IGDCC3: variants seen among roughly 807,000 people sequenced by gnomAD.
IGDCC3 encodes the protein immunoglobulin superfamily DCC subclass member 3, also known as putative neuronal cell adhesion molecule.
In IGDCC3, 47 loss-of-function variants were observed where a neutral mutation model predicts 72.0. The ratio of observed to expected loss-of-function variants is 0.65; its 90% confidence interval spans 0.52 to 0.83. The LOEUF (loss-of-function observed/expected upper bound fraction) is 0.83. Among genes scored for constraint, IGDCC3 ranks in the 40% least tolerant of loss-of-function variants. The pLI is 0.00. For missense variants in IGDCC3, 1,038 were observed against 1,091.3 expected (o/e 0.95, Z 0.69); for synonymous variants, 477 against 472.8 (o/e 1.01, Z -0.11).
chr15:65,377,909 G>T lies in IGDCC3; in HGVS notation c.-121C>A. 1 of 933,678 alleles carries T rather than the reference G, an allele frequency of 1.1e-6. No homozygotes were observed. Among genetic ancestry groups the T allele is most frequent in the Non-Finnish European group, 1.3e-6 (1 of 775,968 alleles). The allele number at this position is 933,678 out of a possible 1,614,324, so 57.8% of individuals were successfully genotyped here. A position where few individuals can be genotyped will look rare whatever the true frequency, so the allele number is the denominator to read the frequency against. ...GCTCCGGCCGGGGCCGAGCCCAGGCGGTGGGGGACTGGGGCCGCATGCCTG... is the reference window on the plus strand; with the variant it reads ...GCTCCGGCCGGGGCCGAGCCCAGGCTGTGGGGGACTGGGGCCGCATGCCTG... On this transcript the variant is annotated 5_prime_UTR_variant, in exon 1 of 14. Coordinates refer to ENST00000327987, the MANE Select transcript of IGDCC3 (RefSeq NM_004884.4). The surrounding 1 kb of genome is among the most constrained non-coding windows in gnomAD (Gnocchi z 4.9).
At chr15:65,364,229 G>A (rs1055053610) in intron 2 of IGDCC3, among the ~76,000 whole-genome samples, 4 of 152,168 alleles carry the variant, frequency 2.6e-5, no homozygotes, top group African/African-American at 9.7e-5. Context: ...AGGCAGAACT[G>A]GGTTGAAATC....
chr15:65,329,159 A>G lies in IGDCC3; in HGVS notation c.2206-11T>C, dbSNP rs1236961984. On this transcript the variant is annotated splice_polypyrimidine_tract_variant and intron_variant, in intron 13 of 13. Coordinates refer to ENST00000327987, the MANE Select transcript of IGDCC3 (RefSeq NM_004884.4). This position sits in a 1 kb window ranked among gnomAD's most constrained non-coding sequence, Gnocchi z 4.1. Reference sequence around the variant, plus strand: ...GGCTGCAGGATCCTGCTGGGGAAAGAGCCCGTCACACAGGCGTCAGCTTGA... The same window carrying G: ...GGCTGCAGGATCCTGCTGGGGAAAGGGCCCGTCACACAGGCGTCAGCTTGA... 6.3e-7 allele frequency: 1 copy of G among 1,598,682 alleles called. No homozygotes were observed. The highest frequency in any genetic ancestry group is 8.5e-7 in the Non-Finnish European group (1 of 1,173,696).
intron 3 of IGDCC3, 23 bp downstream of exon 3, chr15:65,335,789 T>A: frequency 1.2e-6 from 2 of 1,613,666 alleles, no homozygotes; most frequent in Non-Finnish European, 1.7e-6. Flanking sequence ...GTCCTCCCTC[T>A]GTCTTTCCCA....
chr15:65,358,541 A>T (rs918322145), intron 2 of IGDCC3, among the ~76,000 whole-genome samples: 1 of 152,242 alleles, frequency 6.6e-6, no homozygotes, highest in Non-Finnish European at 1.5e-5. Context: ...CTAGATTTCA[A>T]CAAGGGTGCC....
At chr15:65,367,935 T>C (rs766967582) in intron 2 of IGDCC3, among the ~76,000 whole-genome samples, 4 of 152,004 alleles carry the variant, frequency 2.6e-5, no homozygotes, top group South Asian at 2.1e-4. Flanking sequence ...TACTGGTCTC[T>C]ACATTCCTTG....
At chr15:65,349,174 A>C (rs920685428) in intron 2 of IGDCC3, among the ~76,000 whole-genome samples, 4 of 152,240 alleles carry the variant, frequency 2.6e-5, no homozygotes, top group African/African-American at 9.6e-5. Flanking sequence ...AAGTCTTGAC[A>C]GTTTGATATT....
At position 65,339,751 on chromosome 15, in the gene IGDCC3, G is replaced by A. The variant is rs897723526; in HGVS notation, c.410-3795C>T. On this transcript the variant is annotated intron_variant, in intron 2 of 13. Transcript: ENST00000327987. The surrounding 1 kb of genome is among the most constrained non-coding windows in gnomAD (Gnocchi z 4.1). ...TTAGCATTGAGTATTTATGTCTGGTGTTGGTGGTATTGTGTCTGTGGCTGG... is the reference window on the plus strand; with the variant it reads ...TTAGCATTGAGTATTTATGTCTGGTATTGGTGGTATTGTGTCTGTGGCTGG... 9.9e-5 allele frequency among the ~76,000 whole-genome samples: 15 copies of A among 152,256 alleles called. No individual in the cohort carries two copies. Among genetic ancestry groups the A allele is most frequent in the African/African-American group, 3.1e-4 (13 of 41,470 alleles).
At chr15:65,334,892 A>C (rs751022145) in intron 4 of IGDCC3, 27 bp from the exon 5 acceptor site, 2 of 1,599,058 alleles carry the variant, frequency 1.3e-6, no homozygotes, top group Admixed American at 3.5e-5. Context: ...ACATATCCTC[A>C]CTTCAGCTGG....
rs80165845 is a variant in IGDCC3, at chr15:65,360,575, G to A, written c.409+14522C>T. ...ACTCCATATAAGCTGGGATATAAGA[G>A]GCAAAACAAAAATAACCCAAGTTGG... On this transcript the variant is annotated intron_variant, in intron 2 of 13. Coordinates refer to ENST00000327987, the MANE Select transcript of IGDCC3 (RefSeq NM_004884.4). Among the ~76,000 whole-genome samples, 966 of 152,234 alleles carry A rather than the reference G, an allele frequency of 6.3e-3. 13 individuals are homozygous for A. The highest frequency in any genetic ancestry group is 0.022 in the African/African-American group (913 of 41,532).
intron 2 of IGDCC3, among the ~76,000 whole-genome samples, chr15:65,353,487 T>C (rs1280906809): frequency 6.6e-6 from 1 of 152,134 alleles, no homozygotes; most frequent in African/African-American, 2.4e-5. Context: ...CCTGACCTGG[T>C]GATCTGCCCG....
intron 2 of IGDCC3, among the ~76,000 whole-genome samples, chr15:65,349,935 C>T (rs2091158923): frequency 6.6e-6 from 1 of 152,080 alleles, no homozygotes; most frequent in African/African-American, 2.4e-5. Flanking sequence ...GTTCAGTTCC[C>T]CATCTAGGAA....
chr15:65,334,977 A>G (rs2091014222), intron 4 of IGDCC3, 112 bp from the exon 5 acceptor site: 1 of 1,269,890 alleles, frequency 7.9e-7, no homozygotes, highest in Non-Finnish European at 1.1e-6. Flanking sequence ...CCCAGAAACC[A>G]GGTCCTGTGG....
At chr15:65,376,315 G>C (rs2091358550) in intron 1 of IGDCC3, among the ~76,000 whole-genome samples, 1 of 152,248 alleles carries the variant, frequency 6.6e-6, no homozygotes, top group Admixed American at 6.5e-5. Context: ...CAGAGAATCA[G>C]AAGCCCGGCT....
At chr15:65,354,340 T>C (rs2091197307) in intron 2 of IGDCC3, among the ~76,000 whole-genome samples, 1 of 152,166 alleles carries the variant, frequency 6.6e-6, no homozygotes, top group Admixed American at 6.5e-5. Flanking sequence ...AAGGACACTC[T>C]CCTCTCATGC....
intron 2 of IGDCC3, among the ~76,000 whole-genome samples, chr15:65,370,903 G>A (rs1469103436): frequency 2.0e-5 from 3 of 152,162 alleles, no homozygotes; most frequent in African/African-American, 7.2e-5. Flanking sequence ...GGATTTACAG[G>A]CATGAGCCAT....
chr15:65,331,477 C>T lies in IGDCC3; in HGVS notation c.1331G>A (p.Trp444Ter). ...CTTGGTGTTGGCCAGCGGCTCACTCCAGGACACACGCACCTCAGTGGAAGA... is the reference window on the plus strand; with the variant it reads ...CTTGGTGTTGGCCAGCGGCTCACTCTAGGACACACGCACCTCAGTGGAAGA... ...SVSSTEVRVS[W>*]SEPLANTKEI... The change falls in exon 8 of 14, where the codon TGG becomes TAG. Residue 444 changes from tryptophan (W) to a stop codon, truncating the protein, a stop_gained. Coordinates refer to ENST00000327987, the MANE Select transcript of IGDCC3 (RefSeq NM_004884.4). LOFTEE classifies it high-confidence loss of function. The T allele has an allele frequency of 6.2e-7, 1 of 1,613,700 alleles. No individual in the cohort carries two copies. Among genetic ancestry groups the T allele is most frequent in the Non-Finnish European group, 8.5e-7 (1 of 1,179,986 alleles).
chr15:65,341,933 T>C (rs1163528790), intron 2 of IGDCC3, among the ~76,000 whole-genome samples: 1 of 152,098 alleles, frequency 6.6e-6, no homozygotes, highest in South Asian at 2.1e-4. Flanking sequence ...GCCACCACGC[T>C]TGGATAATTT....
intron 2 of IGDCC3, among the ~76,000 whole-genome samples, chr15:65,359,209 G>A (rs2091245524): frequency 6.6e-6 from 1 of 152,178 alleles, no homozygotes; most frequent in South Asian, 2.1e-4. Flanking sequence ...TATTCTGATA[G>A]GAACATAATG....
chr15:65,338,224 C>T (rs752544886), intron 2 of IGDCC3, among the ~76,000 whole-genome samples: 1 of 152,228 alleles, frequency 6.6e-6, no homozygotes, highest in Non-Finnish European at 1.5e-5. Flanking sequence ...CCACCTCCTG[C>T]TCACATTTCC....
Sources: allele counts gnomAD v4.1 joint callset (sites outside exome capture counted in the v4.1 genomes callset), GRCh38; gene constraint gnomAD v4.1.1; non-coding constraint Gnocchi (gnomAD v3.1); transcripts MANE v1.5; gene names NCBI Gene and HGNC (gene_info 2026-07-23, HGNC 2026-07-21).